The following TOGARAM2 variants were observed in gnomAD, a reference collection of about 807,000 sequenced individuals.
TOGARAM2 encodes TOG array regulator of axonemal microtubules 2.
TOGARAM2 carries 85 observed loss-of-function variants against 93.3 expected under a neutral mutation model. The ratio of observed to expected loss-of-function variants is 0.91; its 90% CI spans 0.76 to 1.09. The LOEUF (loss-of-function observed/expected upper bound fraction) is 1.09, where lower values mean the gene tolerates loss of function less well. Among genes scored for constraint, TOGARAM2 ranks in the 50% least tolerant of loss-of-function variants. TOGARAM2 has a pLI of 0.00. For synonymous variants in TOGARAM2, 593 were observed against 552.8 expected, an observed-to-expected ratio of 1.07 and a Z score of -1.02; for missense variants, 1,277 against 1,334.5, an observed-to-expected ratio of 0.96 and a Z score of 0.67.
At position 28,963,368 on chromosome 2, in the gene TOGARAM2, T is replaced by C. The variant is rs1305100765; in HGVS notation, c.-147+6671T>C. 3.3e-5 allele frequency among the ~76,000 whole-genome samples: 5 copies of C among 152,262 alleles called. No individual in the cohort carries two copies. In the East Asian group the frequency reaches 9.7e-4, roughly 29 times the overall value. ...TCAGTGTATGATCTATCTTGGCAAATGTTTTTGTTTTTCTTCCGTTTTAGA... is the reference window on the plus strand; with the variant it reads ...TCAGTGTATGATCTATCTTGGCAAACGTTTTTGTTTTTCTTCCGTTTTAGA... On this transcript the variant is annotated intron_variant, in intron 1 of 6. Coordinates refer to the TOGARAM2 transcript ENST00000401723.
intron 1 of TOGARAM2, among the ~76,000 whole-genome samples, chr2:28,989,748 G>C (rs1672631199): frequency 6.6e-6 from 1 of 152,152 alleles, no homozygotes; most frequent in Non-Finnish European, 1.5e-5. Flanking sequence ...ATGTTGGCCA[G>C]GCTGGTCTCG....
At chr2:28,979,307 TGCGTGCTCTGTGCCTG>T (rs1048839320), upstream of TOGARAM2, among the ~76,000 whole-genome samples, 17 of 152,234 alleles carry the variant, frequency 1.1e-4, no homozygotes, top group African/African-American at 4.1e-4. Context: ...TGAGGGTGAG[TGCGTGCTCTGTGCCTG>T]GCGGGCACAC....
intron 1 of TOGARAM2, among the ~76,000 whole-genome samples, chr2:28,959,876 CATT>C (rs1671777493): frequency 6.6e-6 from 1 of 152,202 alleles, no homozygotes; most frequent in African/African-American, 2.4e-5. Flanking sequence ...GAAATTGTGT[CATT>C]GTGAGAATCA....
chr2:29,005,739 ATATATG>A lies in TOGARAM2; in HGVS notation c.830+2059_830+2064del, dbSNP rs1558423392. On this transcript the variant is annotated intron_variant, in intron 6 of 19. Coordinates refer to ENST00000379558, the MANE Select transcript of TOGARAM2 (RefSeq NM_199280.4). ...TGCATGTGTGCATGTGTGTGAGCAC[ATATATG>A]TGTGTATGTGTGTGTGTGAGTACAT... Among the ~76,000 whole-genome samples, 29 of 121,386 alleles carry A rather than the reference ATATATG, an allele frequency of 2.4e-4. 2 individuals are homozygous for A. Among genetic ancestry groups the A allele is most frequent in the African/African-American group, 8.8e-4 (26 of 29,642 alleles). The allele number at this position is 121,386 out of a possible 152,430, so 79.6% of individuals were successfully genotyped here. A position where few individuals can be genotyped will look rare whatever the true frequency, so the allele number is the denominator to read the frequency against.
Position 29,005,633 on chromosome 2 carries a change from T to TGCATGTGTGA in TOGARAM2, c.830+1952_830+1953insCATGTGTGAG, listed in dbSNP as rs1323641958. ...CATGTGAGTGCATGTGTGGAGTGTG[T>TGCATGTGTGA]GTGCATGTGTGTATGTGTGTGAGGG... On this transcript the variant is annotated intron_variant, in intron 6 of 19. Coordinates refer to ENST00000379558, the MANE Select transcript of TOGARAM2 (RefSeq NM_199280.4). Among the ~76,000 whole-genome samples the TGCATGTGTGA allele has an allele frequency of 6.5e-3, 296 of 45,698 alleles. 25 individuals are homozygous for TGCATGTGTGA. Among genetic ancestry groups the TGCATGTGTGA allele is most frequent in the South Asian group, 0.012 (18 of 1,504 alleles). The allele number at this position is 45,698 out of a possible 152,430, so 30.0% of individuals were successfully genotyped here.
intron 2 of TOGARAM2, among the ~76,000 whole-genome samples, chr2:28,996,799 C>CAAAAAAAAAAAAAAAAA (rs1170607481): frequency 2.5e-5 from 1 of 40,714 alleles, no homozygotes; most frequent in African/African-American, 1.2e-4. Context: ...GACTCCATCT[C>CAAAAAAAAAAAAAAAAA]AAAAAAAAAA....
At chr2:29,043,588 C>T (rs1666566970) in intron 18 of TOGARAM2, among the ~76,000 whole-genome samples, 1 of 152,178 alleles carries the variant, frequency 6.6e-6, no homozygotes, top group Non-Finnish European at 1.5e-5. Context: ...CCACATAGGC[C>T]ACCTGCCCTC....
At position 28,970,297 on chromosome 2, in the gene TOGARAM2, A is replaced by G. The variant is rs77456176; in HGVS notation, c.-147+13600A>G. ...TAGAGTAGAGCTGCTACAGAATTAG[A>G]TAAGCTGGGTTTTAATCCTTTTGTG... On this transcript the variant is annotated intron_variant, in intron 1 of 6. Transcript: ENST00000401723. Among the ~76,000 whole-genome samples, 160 of 152,308 alleles carry G rather than the reference A, an allele frequency of 1.1e-3. 4 individuals are homozygous for G. In the East Asian group the frequency reaches 0.03, roughly 29 times the overall value.
rs1664426214 is a variant in TOGARAM2 at position 29,014,388 on chromosome 2, C to T, written c.878-7C>T. 2 of 1,609,922 alleles carry T rather than the reference C, an allele frequency of 1.2e-6. No homozygotes were observed. Among genetic ancestry groups the T allele is most frequent in the East Asian group, 2.2e-5 (1 of 44,774 alleles). On this transcript the variant is annotated splice_polypyrimidine_tract_variant and splice_region_variant and intron_variant, in intron 7 of 19. Transcript: ENST00000379558. ...CTTCAGCTCCACCCCTGTTCTCAACCCCTCAGAGCCAAAACCTTTGGCCTC... is the reference window on the plus strand; with the variant it reads ...CTTCAGCTCCACCCCTGTTCTCAACTCCTCAGAGCCAAAACCTTTGGCCTC...
chr2:28,984,036 C>T (rs1194265993), intron 1 of TOGARAM2, among the ~76,000 whole-genome samples: 1 of 151,936 alleles, frequency 6.6e-6, no homozygotes, highest in Admixed American at 6.6e-5. Context: ...TCTGCCCTCC[C>T]CACTCCTCCA....
rs112627431 is a variant in TOGARAM2, at chr2:28,991,695, C to T, written c.-110-3030C>T. Among the ~76,000 whole-genome samples the T allele has an allele frequency of 3.2e-3, 483 of 152,260 alleles. 3 individuals carry two copies. Among genetic ancestry groups the T allele is most frequent in the African/African-American group, 0.011 (449 of 41,536 alleles). ...AGCTGCACGCTCCCTGTGGACTGTG[C>T]GAGGCCCGGGTGGTTGGGGTTTTGT... On this transcript the variant is annotated intron_variant, in intron 1 of 19. Coordinates refer to ENST00000379558, the MANE Select transcript of TOGARAM2 (RefSeq NM_199280.4).
intron 10 of TOGARAM2, among the ~76,000 whole-genome samples, chr2:29,020,493 C>T (rs1192707427): frequency 6.6e-6 from 1 of 152,112 alleles, no homozygotes; most frequent in Non-Finnish European, 1.5e-5. Context: ...AATGACTGAA[C>T]CAGAAGGCAC....
upstream of TOGARAM2, among the ~76,000 whole-genome samples, chr2:28,979,978 C>T (rs896336954): frequency 3.9e-5 from 6 of 152,210 alleles, no homozygotes; most frequent in African/African-American, 1.4e-4. Flanking sequence ...GTCGCTCTCA[C>T]TCACAAGCTG....
intron 1 of TOGARAM2, among the ~76,000 whole-genome samples, chr2:28,990,974 T>G (rs1672695050): frequency 7.0e-6 from 1 of 143,578 alleles, no homozygotes; most frequent in Non-Finnish European, 1.5e-5. Flanking sequence ...GACATGCGAG[T>G]GTGTGTGTGT....
At chr2:29,041,208 G>A (rs1343875808) in intron 18 of TOGARAM2, among the ~76,000 whole-genome samples, 1 of 152,080 alleles carries the variant, frequency 6.6e-6, no homozygotes, top group East Asian at 1.9e-4. Flanking sequence ...TCTTTTAGTA[G>A]AGATGGGGTT....
At position 29,017,204 on chromosome 2, in the gene TOGARAM2, G is replaced by C; in HGVS notation, c.1095G>C (p.Gln365His). ...CCCGGGAGAAGATGCAGCTGAAGCAGATGAAGGAGATGGAGCTGCTTCGGA... is the reference window on the plus strand; with the variant it reads ...CCCGGGAGAAGATGCAGCTGAAGCACATGAAGGAGATGGAGCTGCTTCGGA... ...KSAREKMQLKQMKEMELLRRL... is the reference protein window; with the variant it reads ...KSAREKMQLKHMKEMELLRRL... Residue 365 changes from glutamine to histidine, a missense_variant, in exon 9 of 20, where the codon CAG becomes CAC. Transcript: ENST00000379558. 1.2e-6 allele frequency: 2 copies of C among 1,613,962 alleles called. No individual in the cohort carries two copies. Among genetic ancestry groups the C allele is most frequent in the Non-Finnish European group, 1.7e-6 (2 of 1,179,882 alleles).
At chr2:28,980,829 T>C (rs147093848), upstream of TOGARAM2, among the ~76,000 whole-genome samples, 703 of 152,282 alleles carry the variant, frequency 4.6e-3, 7 homozygotes, top group African/African-American at 0.016. Flanking sequence ...AGCAACCCTA[T>C]CAAGTCAGTA....
At chr2:29,005,458 T>C (rs1053282322) in intron 6 of TOGARAM2, among the ~76,000 whole-genome samples, 3 of 138,642 alleles carry the variant, frequency 2.2e-5, no homozygotes, top group Non-Finnish European at 4.6e-5. Context: ...TGTGAGAGCA[T>C]GTGTGACTGC....
intron 14 of TOGARAM2, among the ~76,000 whole-genome samples, chr2:29,032,267 A>G (rs1349987884): frequency 2.0e-5 from 3 of 151,962 alleles, no homozygotes; most frequent in African/African-American, 7.3e-5. Flanking sequence ...TCTGCTCACT[A>G]TTCTCCAATA....
Sources: gnomAD v4.1 joint callset for allele counts (sites outside exome capture counted in the v4.1 genomes callset) on GRCh38, gnomAD v4.1.1 for gene constraint, MANE v1.5 for transcripts, NCBI Gene and HGNC (gene_info 2026-07-23, HGNC 2026-07-21) for gene names.